MEMO1: variants seen among roughly 807,000 people sequenced by gnomAD.
MEMO1 encodes the protein protein MEMO1.
Under a neutral mutation model 45.2 loss-of-function variants are expected in MEMO1, and 6 were observed. That is an observed-to-expected ratio of 0.13 (90% CI 0.07 to 0.26). The LOEUF is 0.26. Among genes scored for constraint, MEMO1 ranks in the 10% least tolerant of loss-of-function variants. The probability of loss-of-function intolerance (pLI) is 1.00; values close to 1 mark genes in which losing one functional copy is unlikely to be tolerated. For synonymous variants in MEMO1, 78 were observed against 124.3 expected (o/e 0.63, Z 2.48); for missense variants, 184 against 370.5 (o/e 0.50, Z 4.13).
chr2:31,925,698 T>C (rs570478499), intron 4 of MEMO1, among the ~76,000 whole-genome samples: 17 of 152,244 alleles, frequency 1.1e-4, no homozygotes, highest in South Asian at 4.2e-4. Context: ...TTTGCACTTA[T>C]GGTGCAAAGG....
At chr2:31,880,080 A>G (rs147381949) in intron 8 of MEMO1, among the ~76,000 whole-genome samples, 1,702 of 152,292 alleles carry the variant, frequency 0.011, 103 homozygotes, top group Admixed American at 0.099. Flanking sequence ...ATGTTCAACC[A>G]CTGGACTCCA....
chr2:31,936,731 A>ATAAACTGTATATACTGTCAATG, intron 3 of MEMO1, among the ~76,000 whole-genome samples: 1 of 152,338 alleles, frequency 6.6e-6, no homozygotes, highest in Non-Finnish European at 1.5e-5. Context: ...GTCACAGGTG[A>ATAAACTGTATATACTGTCAATG]ACAGTATAAA....
chr2:31,905,963 CT>C (rs1381558310), intron 6 of MEMO1, among the ~76,000 whole-genome samples: 1 of 151,968 alleles, frequency 6.6e-6, no homozygotes, highest in African/African-American at 2.4e-5. Flanking sequence ...GAGAGCTATT[CT>C]TTTTTTCTTT....
At chr2:31,905,346 T>C (rs1174391718) in intron 6 of MEMO1, among the ~76,000 whole-genome samples, 1 of 152,190 alleles carries the variant, frequency 6.6e-6, no homozygotes, top group African/African-American at 2.4e-5. Context: ...TGAACTAAAA[T>C]TAACATTTAA....
At chr2:31,983,538 G>C (rs1001699486) in intron 2 of MEMO1, among the ~76,000 whole-genome samples, 8 of 151,968 alleles carry the variant, frequency 5.3e-5, no homozygotes, top group African/African-American at 1.9e-4. Flanking sequence ...GGGTTCAAGC[G>C]GTTCTCCTGC....
intron 2 of MEMO1, among the ~76,000 whole-genome samples, chr2:31,998,125 C>T (rs939821522): frequency 2.0e-5 from 3 of 152,196 alleles, no homozygotes; most frequent in African/African-American, 7.2e-5. Context: ...AATCCTCCCA[C>T]TTCAGCCTCC....
At chr2:31,930,516 C>T (rs772634818) in intron 4 of MEMO1, among the ~76,000 whole-genome samples, 19 of 152,146 alleles carry the variant, frequency 1.2e-4, no homozygotes, top group South Asian at 2.1e-4. Context: ...GGTGTCCCAT[C>T]AGCACAGGAG....
intron 6 of MEMO1, among the ~76,000 whole-genome samples, chr2:31,909,889 G>A (rs527531507): frequency 1.3e-5 from 2 of 151,964 alleles, no homozygotes; most frequent in Non-Finnish European, 2.9e-5. Flanking sequence ...GAAGCTCAGA[G>A]AACTCCAAGA....
At chr2:31,885,267 G>A (rs1472626438) in intron 7 of MEMO1, among the ~76,000 whole-genome samples, 1 of 152,114 alleles carries the variant, frequency 6.6e-6, no homozygotes, top group Admixed American at 6.5e-5. Flanking sequence ...CTACAGGCAT[G>A]TGCCACCACA....
At chr2:31,922,514 A>G (rs1191480756) in intron 4 of MEMO1, among the ~76,000 whole-genome samples, 7 of 152,150 alleles carry the variant, frequency 4.6e-5, no homozygotes, top group Non-Finnish European at 8.8e-5. Context: ...GGGTACCTGT[A>G]CGGGTTTGTA....
intron 3 of MEMO1, among the ~76,000 whole-genome samples, chr2:31,933,351 T>TATATATATATATATA (rs869274123): frequency 6.7e-5 from 3 of 45,090 alleles, no homozygotes; most frequent in Non-Finnish European, 1.1e-4. Flanking sequence ...AAAAAAAAAT[T>TATATATATATATATA]TATATATATA....
chr2:31,888,188 T>C (rs1158383189), intron 7 of MEMO1, among the ~76,000 whole-genome samples: 2 of 152,112 alleles, frequency 1.3e-5, no homozygotes, highest in Non-Finnish European at 2.9e-5. Context: ...ACTTTTTGTT[T>C]ATTTTTTGTT....
chr2:31,955,222 A>G (rs1210714740), intron 2 of MEMO1, among the ~76,000 whole-genome samples: 2 of 151,914 alleles, frequency 1.3e-5, no homozygotes, highest in African/African-American at 2.4e-5. Flanking sequence ...CAAACAAACA[A>G]ACGTGAGGCC....
intron 1 of MEMO1, 59 bp from the exon 2 acceptor site, chr2:32,010,323 G>C: frequency 1.1e-6 from 1 of 920,358 alleles, no homozygotes; most frequent in African/African-American, 1.7e-5. Context: ...GCGGCTCCGC[G>C]AGGGGACGAG....
chr2:31,980,768 A>G (rs1670543299), intron 2 of MEMO1, among the ~76,000 whole-genome samples: 1 of 152,006 alleles, frequency 6.6e-6, no homozygotes, highest in South Asian at 2.1e-4. Flanking sequence ...CCACCTCTAA[A>G]CCCATATCTA....
chr2:31,982,600 A>AAAAAAAAG (rs1670781149), intron 2 of MEMO1, among the ~76,000 whole-genome samples: 2 of 151,782 alleles, frequency 1.3e-5, no homozygotes, highest in Admixed American at 1.3e-4. Flanking sequence ...AAAAAAAAAA[A>AAAAAAAAG]AAAAAAAGAT....
At chr2:31,976,767 T>C (rs1397622702) in intron 2 of MEMO1, among the ~76,000 whole-genome samples, 2 of 152,110 alleles carry the variant, frequency 1.3e-5, no homozygotes, top group African/African-American at 2.4e-5. Flanking sequence ...CCTGATGAAA[T>C]TAAACACCAA....
chr2:31,892,047 T>G lies in MEMO1; in HGVS notation c.525A>C (p.Lys175Asn), dbSNP rs953520166. 1.3e-5 allele frequency: 21 copies of G among 1,612,870 alleles called. No individual in the cohort carries two copies. Among genetic ancestry groups the G allele is most frequent in the Non-Finnish European group, 1.7e-5 (20 of 1,179,546 alleles). ...KEQEFGKLFS[K>N]YLADPSNLFV... ...AGAGATTACTAGGATCCGCTAGATA[T>G]TTACTGAAGAGTTTTCCGAATTCCT... The change falls in exon 7 of 10, where the codon AAA (lysine) becomes AAC (asparagine). Residue 175 changes from lysine to asparagine, a missense_variant. By Grantham distance (94) the Lys-to-Asn change is moderately conservative. This residue lies in a region of MEMO1 where 97 missense variants were observed against 209.3 expected (regional missense o/e 0.46). Transcript: ENST00000404530.
intron 8 of MEMO1, among the ~76,000 whole-genome samples, chr2:31,875,606 C>A (rs1674440005): frequency 6.6e-6 from 1 of 152,150 alleles, no homozygotes; most frequent in South Asian, 2.1e-4. Context: ...CTTCATTCTA[C>A]CTCCACCAAC....
Sources: allele counts gnomAD v4.1 joint callset (sites outside exome capture counted in the v4.1 genomes callset), GRCh38; gene constraint gnomAD v4.1.1; regional missense constraint gnomAD v4.1.1; transcripts MANE v1.5; gene names NCBI Gene and HGNC (gene_info 2026-07-23, HGNC 2026-07-21).